Variants in LDLRAD4 observed in about 807,000 individuals in gnomAD.
LDLRAD4 encodes the protein low density lipoprotein receptor class A domain containing 4.
In LDLRAD4, 5 loss-of-function variants were observed where a neutral mutation model predicts 17.0. The observed-to-expected ratio is 0.29, with a 90% confidence interval of 0.15 to 0.62. The LOEUF (loss-of-function observed/expected upper bound fraction) is 0.62, where lower values mean the gene tolerates loss of function less well. LDLRAD4 is among the 20% of genes least tolerant of loss of function. The pLI is 0.84. For missense variants in LDLRAD4, 340 were observed against 424.7 expected, an observed-to-expected ratio of 0.80 and a Z score of 1.75; for synonymous variants, 168 against 171.8, an observed-to-expected ratio of 0.98 and a Z score of 0.17.
intron 3 of LDLRAD4, among the ~76,000 whole-genome samples, chr18:13,532,516 T>A (rs1234759384): frequency 6.8e-6 from 1 of 147,612 alleles, no homozygotes; most frequent in Non-Finnish European, 1.5e-5. Context: ...TTCCACATTT[T>A]CCTAAAGTGG....
At chr18:13,250,947 T>G (rs2043196266) in intron 1 of LDLRAD4, among the ~76,000 whole-genome samples, 1 of 152,148 alleles carries the variant, frequency 6.6e-6, no homozygotes, top group Non-Finnish European at 1.5e-5. Flanking sequence ...AGGTCAATAT[T>G]CTTGATGAAT....
intron 3 of LDLRAD4, among the ~76,000 whole-genome samples, chr18:13,505,678 C>T (rs985617545): frequency 6.6e-6 from 1 of 152,048 alleles, no homozygotes; most frequent in East Asian, 1.9e-4. Flanking sequence ...ATTACCCGGG[C>T]GTGGTGGTGG....
intron 1 of LDLRAD4, among the ~76,000 whole-genome samples, chr18:13,328,270 T>C (rs2081642712): frequency 6.6e-6 from 1 of 152,220 alleles, no homozygotes; most frequent in Non-Finnish European, 1.5e-5. Flanking sequence ...TGGATCATGC[T>C]CATGCCACCA....
intron 3 of LDLRAD4, among the ~76,000 whole-genome samples, chr18:13,525,058 C>G (rs2094008654): frequency 6.6e-6 from 1 of 152,222 alleles, no homozygotes; most frequent in South Asian, 2.1e-4. Context: ...TGTGTGCGTG[C>G]TTGCGGGCAG....
At chr18:13,226,180 CTTTTTTTT>C (rs71174166) in intron 1 of LDLRAD4, among the ~76,000 whole-genome samples, 2 of 52,188 alleles carry the variant, frequency 3.8e-5, no homozygotes, top group Non-Finnish European at 6.5e-5. Context: ...CCATGCCTTG[CTTTTTTTT>C]TTTTTTTTTT....
At chr18:13,376,287 G>C (rs2084906124) in intron 1 of LDLRAD4, among the ~76,000 whole-genome samples, 1 of 152,190 alleles carries the variant, frequency 6.6e-6, no homozygotes, top group South Asian at 2.1e-4. Context: ...GATTCTGAGA[G>C]GGAAAAAGAA....
chr18:13,590,034 C>G (rs907716839), intron 3 of LDLRAD4, among the ~76,000 whole-genome samples: 14 of 145,188 alleles, frequency 9.6e-5, no homozygotes, highest in African/African-American at 3.6e-4. Flanking sequence ...TATGGGTGTG[C>G]ATGTGTGTGA....
In LDLRAD4 at chr18:13,271,893, CTTTTTTTTTTTTT is replaced by C. The variant is rs753254188; in HGVS notation, c.-466-6200_-466-6188del. On this transcript the variant is annotated intron_variant, in intron 1 of 5. Transcript: ENST00000399848. ...TTCCACCCCACCCTCCTGTTCAGTG[CTTTTTTTTTTTTT>C]TTTTTTTTTTTAAGACGGAGTCTTG... Among the ~76,000 whole-genome samples, 8 of 79,030 alleles carry C rather than the reference CTTTTTTTTTTTTT, an allele frequency of 1.0e-4. No individual in the cohort carries two copies. The East Asian group carries it at 3.0e-3, about 30-fold the overall frequency. 51.8% of individuals were successfully genotyped at this position (79,030 alleles called of 152,430 possible). A position where few individuals can be genotyped will look rare whatever the true frequency, so the allele number is the denominator to read the frequency against.
intron 1 of LDLRAD4, among the ~76,000 whole-genome samples, chr18:13,306,778 A>G (rs1378002062): frequency 6.6e-6 from 1 of 152,220 alleles, no homozygotes; most frequent in East Asian, 1.9e-4. Context: ...AACAGAGCCA[A>G]CCAAGGAAAT....
chr18:13,376,360 C>T (rs182057906), intron 1 of LDLRAD4, among the ~76,000 whole-genome samples: 3 of 152,310 alleles, frequency 2.0e-5, no homozygotes, highest in Admixed American at 2.0e-4. Context: ...GCGCGGCCCA[C>T]GGTCGCTTAG....
At position 13,621,865 on chromosome 18, in the gene LDLRAD4, G is replaced by A. The variant is rs1601766909; in HGVS notation, c.336+594G>A. Among the ~76,000 whole-genome samples, 1 of 150,340 alleles carries A rather than the reference G, an allele frequency of 6.7e-6. No homozygotes were observed. The highest frequency in any genetic ancestry group is 2.0e-4 in the East Asian group (1 of 5,038). The stretch of plus-strand genomic sequence containing the variant: ...TCGGCGGTGGGTTGTGGAGGGTGGG[G>A]TTGTGGAGGGTGGGGTTGTCGGCGG... On this transcript the variant is annotated intron_variant, in intron 4 of 5. Coordinates refer to ENST00000359446, the Ensembl canonical transcript of LDLRAD4. This position sits in a 1 kb window ranked among gnomAD's most constrained non-coding sequence, Gnocchi z 5.5.
At position 13,322,364 on chromosome 18, in the gene LDLRAD4, A is replaced by T. The variant is rs188522605; in HGVS notation, c.-383+44176A>T. Among the ~76,000 whole-genome samples, 4 of 147,184 alleles carry T rather than the reference A, an allele frequency of 2.7e-5. No individual in the cohort carries two copies. The East Asian group carries it at 8.0e-4, about 29-fold the overall frequency. ...TCCCAGGCTGGAGCGCAGTGGCGCAATCTTGGCTCACTGCAACCTCCACCT... is the reference window on the plus strand; with the variant it reads ...TCCCAGGCTGGAGCGCAGTGGCGCATTCTTGGCTCACTGCAACCTCCACCT... On this transcript the variant is annotated intron_variant, in intron 1 of 5. Coordinates refer to ENST00000359446, the Ensembl canonical transcript of LDLRAD4.
At chr18:13,548,941 A>G (rs1232415155) in intron 3 of LDLRAD4, among the ~76,000 whole-genome samples, 1 of 152,250 alleles carries the variant, frequency 6.6e-6, no homozygotes, top group African/African-American at 2.4e-5. Flanking sequence ...TCATTTTACC[A>G]TCTCAAGATG....
chr18:13,500,137 A>G (rs994819023), intron 3 of LDLRAD4, among the ~76,000 whole-genome samples: 2 of 152,246 alleles, frequency 1.3e-5, no homozygotes, highest in African/African-American at 4.8e-5. Flanking sequence ...AAAAATGTTT[A>G]GGAAAGGTTG....
intron 1 of LDLRAD4, among the ~76,000 whole-genome samples, chr18:13,222,653 C>T (rs2041526343): frequency 6.6e-6 from 1 of 152,328 alleles, no homozygotes; most frequent in Non-Finnish European, 1.5e-5. Flanking sequence ...TTCTGTGCCT[C>T]GGTTCGGAAA....
At chr18:13,295,910 T>C (rs1475725816) in intron 1 of LDLRAD4, among the ~76,000 whole-genome samples, 10 of 152,220 alleles carry the variant, frequency 6.6e-5, no homozygotes, top group Admixed American at 6.5e-4. Flanking sequence ...TTTGTAAAGT[T>C]GGAGCTTTGG....
At chr18:13,644,293 G>A (rs142821012) in intron 5 of LDLRAD4, among the ~76,000 whole-genome samples, 10 of 151,662 alleles carry the variant, frequency 6.6e-5, no homozygotes, top group African/African-American at 9.7e-5. Context: ...TCTGGCCGGC[G>A]CAGTAGCTCA....
At chr18:13,457,192 C>T (rs75159947) in intron 3 of LDLRAD4, among the ~76,000 whole-genome samples, 5,630 of 152,340 alleles carry the variant, frequency 0.037, 121 homozygotes, top group Non-Finnish European at 0.053. Context: ...TTGGGGTTCT[C>T]ACAACCCCCT....
At chr18:13,258,940 C>T (rs1290839023) in intron 1 of LDLRAD4, among the ~76,000 whole-genome samples, 1 of 152,214 alleles carries the variant, frequency 6.6e-6, no homozygotes, top group African/African-American at 2.4e-5. Flanking sequence ...CCAAGTGCTG[C>T]TGCTGTGTAC....
Sources: gnomAD v4.1 joint callset for allele counts (sites outside exome capture counted in the v4.1 genomes callset) on GRCh38, gnomAD v4.1.1 for gene constraint, Gnocchi (gnomAD v3.1) non-coding constraint, MANE v1.5 for transcripts, NCBI Gene and HGNC (gene_info 2026-07-23, HGNC 2026-07-21) for gene names.